The following MYO16 variants were observed in gnomAD, a reference collection of about 807,000 sequenced individuals.
The protein encoded by MYO16 is myosin XVI.
A neutral mutation model predicts 205.3 loss-of-function variants in MYO16; 94 were observed. That is an observed-to-expected ratio of 0.46 (90% CI 0.39 to 0.54). The LOEUF (loss-of-function observed/expected upper bound fraction) is 0.54, where lower values mean the gene tolerates loss of function less well. MYO16 is among the 20% of genes least tolerant of loss of function. MYO16 has a pLI of 0.00. For missense variants in MYO16, 2,315 were observed against 2,387.5 expected, an observed-to-expected ratio of 0.97 and a Z score of 0.63; for synonymous variants, 988 against 954.0, an observed-to-expected ratio of 1.04 and a Z score of -0.66.
chr13:109,146,067 T>C (rs373766466), intron 32 of MYO16, among the ~76,000 whole-genome samples: 1 of 152,318 alleles, frequency 6.6e-6, no homozygotes, highest in South Asian at 2.1e-4. Flanking sequence ...TCTTTGCATA[T>C]AGTAGGTGGC....
At chr13:108,561,954 G>T in the MYO16 span, among the ~76,000 whole-genome samples, 1 of 152,190 alleles carries the variant, frequency 6.6e-6, no homozygotes, top group Admixed American at 6.5e-5. Flanking sequence ...GTAGGCATTT[G>T]TGAGCCTGCA....
intron 7 of MYO16, among the ~76,000 whole-genome samples, chr13:108,813,024 A>G (rs1433228435): frequency 6.6e-6 from 1 of 152,130 alleles, no homozygotes; most frequent in Non-Finnish European, 1.5e-5. Context: ...CACAAATACA[A>G]CTATGACAAC....
At chr13:108,691,725 T>A (rs1882904926) in intron 2 of MYO16, among the ~76,000 whole-genome samples, 1 of 152,188 alleles carries the variant, frequency 6.6e-6, no homozygotes, top group African/African-American at 2.4e-5. Context: ...GATGTACTTA[T>A]TCAGTAATAC....
chr13:109,159,760 T>C (rs1206825877), intron 32 of MYO16, among the ~76,000 whole-genome samples: 1 of 152,180 alleles, frequency 6.6e-6, no homozygotes. Context: ...GCAGCTGCCA[T>C]GCCCTGCTGG....
chr13:109,135,694 G>C (rs1484704392), intron 31 of MYO16, among the ~76,000 whole-genome samples: 1 of 152,190 alleles, frequency 6.6e-6, no homozygotes, highest in Non-Finnish European at 1.5e-5. Flanking sequence ...CTTCATTTTT[G>C]TGTTCAGGCT....
intron 17 of MYO16, among the ~76,000 whole-genome samples, chr13:108,960,361 G>A (rs1594427584): frequency 6.6e-6 from 1 of 151,532 alleles, no homozygotes; most frequent in East Asian, 1.9e-4. Flanking sequence ...TACAGCATAA[G>A]TAAATTAAAT....
chr13:109,004,426 A>G (rs1414521173), intron 21 of MYO16, among the ~76,000 whole-genome samples: 1 of 152,214 alleles, frequency 6.6e-6, no homozygotes, highest in African/African-American at 2.4e-5. Flanking sequence ...GGAGTTTAAC[A>G]AATTATTAAA....
chr13:109,056,602 A>G (rs1458469931), intron 27 of MYO16, among the ~76,000 whole-genome samples: 1 of 152,136 alleles, frequency 6.6e-6, no homozygotes, highest in African/African-American at 2.4e-5. Flanking sequence ...TACGCAAATA[A>G]TGGCCATTCA....
At chr13:108,871,738 C>G (rs1242801958) in intron 12 of MYO16, among the ~76,000 whole-genome samples, 1 of 152,126 alleles carries the variant, frequency 6.6e-6, no homozygotes. Flanking sequence ...GGGTGACTTT[C>G]TGTGATGCTG....
chr13:108,620,081 T>C (rs1879485596), intron 1 of MYO16, among the ~76,000 whole-genome samples: 1 of 152,142 alleles, frequency 6.6e-6, no homozygotes, highest in Non-Finnish European at 1.5e-5. Flanking sequence ...TCTTTGTGCC[T>C]CAATTTCCTC....
intron 1 of MYO16, among the ~76,000 whole-genome samples, chr13:108,599,164 T>C (rs1484106151): frequency 2.0e-5 from 3 of 151,222 alleles, no homozygotes; most frequent in African/African-American, 2.4e-5. Context: ...CTACAAAGGA[T>C]ATGAACTCAT....
chr13:109,009,035 G>A lies in MYO16; in HGVS notation c.2581G>A (p.Asp861Asn), dbSNP rs1377968623. 1 of 1,590,658 alleles carries A rather than the reference G, an allele frequency of 6.3e-7. No individual in the cohort carries two copies. The highest frequency in any genetic ancestry group is 8.5e-7 in the Non-Finnish European group (1 of 1,172,530). The change falls in exon 22 of 35, where the codon GAC becomes AAC. Residue 861 changes from aspartate (D) to asparagine (N), a missense_variant. This residue lies in a region of MYO16 where 1,213 missense variants were observed against 1,274.4 expected (regional missense o/e 0.95). Coordinates refer to ENST00000457511, the MANE Select transcript of MYO16 (RefSeq NM_001198950.3). ...YSPGNQNGVL[D>N]FFFQKPSGFL... ...TCCTGGTAACCAGAATGGAGTTTTG[G>A]ACTTTTTTTTCCAGGTATTCATATA...
intron 21 of MYO16, among the ~76,000 whole-genome samples, chr13:108,993,733 A>G (rs1315665825): frequency 6.6e-6 from 1 of 152,222 alleles, no homozygotes; most frequent in Non-Finnish European, 1.5e-5. Context: ...AACATAAGGA[A>G]GAAAGCAGTT....
At chr13:108,777,477 C>T (rs1255052796) in intron 4 of MYO16, among the ~76,000 whole-genome samples, 1 of 152,134 alleles carries the variant, frequency 6.6e-6, no homozygotes, top group Non-Finnish European at 1.5e-5. Context: ...GAAATGTAGA[C>T]CCTTTTAGAG....
chr13:108,588,507 A>C, the MYO16 span, among the ~76,000 whole-genome samples: 8 of 152,232 alleles, frequency 5.3e-5, no homozygotes, highest in Non-Finnish European at 1.5e-5. Context: ...ATAGAAAAGG[A>C]AAAATACCAA....
chr13:109,131,804 C>A (rs929495490), intron 31 of MYO16, among the ~76,000 whole-genome samples: 13 of 152,174 alleles, frequency 8.5e-5, no homozygotes, highest in Non-Finnish European at 1.6e-4. Flanking sequence ...TCATTCCTCA[C>A]ACACCGGGTG....
intron 4 of MYO16, among the ~76,000 whole-genome samples, chr13:108,731,403 C>T (rs1318555408): frequency 6.6e-6 from 1 of 152,208 alleles, no homozygotes; most frequent in Non-Finnish European, 1.5e-5. Context: ...CGTATAACCA[C>T]ATCCATCCTT....
intron 2 of MYO16, among the ~76,000 whole-genome samples, chr13:108,683,412 G>A (rs16972922): frequency 0.1 from 15,473 of 151,824 alleles, 1,008 homozygotes; most frequent in East Asian, 0.25. Flanking sequence ...TTAGCAATTT[G>A]CCAAAAAAAA....
chr13:108,580,948 G>A, the MYO16 span, among the ~76,000 whole-genome samples: 1 of 152,198 alleles, frequency 6.6e-6, no homozygotes, highest in Admixed American at 6.5e-5. Context: ...AAATGAAAGT[G>A]CATTAATTGT....
Sources: gnomAD v4.1 joint callset for allele counts (sites outside exome capture counted in the v4.1 genomes callset) on GRCh38, gnomAD v4.1.1 for gene constraint, gnomAD v4.1.1 regional missense constraint, MANE v1.5 for transcripts, NCBI Gene and HGNC (gene_info 2026-07-23, HGNC 2026-07-21) for gene names.